Variants in FSD1 observed in about 807,000 individuals in gnomAD.
FSD1 encodes the protein fibronectin type III and SPRY domain containing 1, also known as fibronectin type III and SPRY domain-containing protein 1.
In FSD1, 23 loss-of-function variants were observed where a neutral mutation model predicts 58.2. The ratio of observed to expected loss-of-function variants is 0.40; its 90% CI spans 0.28 to 0.56. The LOEUF (loss-of-function observed/expected upper bound fraction) is 0.56, where lower values mean the gene tolerates loss of function less well. Ranked by LOEUF, FSD1 falls within the 20% of genes least tolerant of loss-of-function variation. The pLI is 0.54. For synonymous variants in FSD1, 265 were observed against 263.4 expected, an observed-to-expected ratio of 1.01 and a Z score of -0.06; for missense variants, 563 against 670.8, an observed-to-expected ratio of 0.84 and a Z score of 1.78.
At chr19:4,306,412 C>A (rs989391014) in intron 3 of FSD1, 83 bp downstream of exon 3, 8 of 1,450,936 alleles carry the variant, frequency 5.5e-6, no homozygotes, top group Non-Finnish European at 7.7e-6. Context: ...CCTCCAAAAA[C>A]TGGGTGCTCT....
chr19:4,308,041 C>A, intron 4 of FSD1, 58 bp downstream of exon 4: 1 of 1,356,062 alleles, frequency 7.4e-7, no homozygotes, highest in Non-Finnish European at 1.0e-6. Flanking sequence ...GTTTGCATTT[C>A]AGGTGAACAA....
intron 10 of FSD1, 148 bp from the exon 11 acceptor site, chr19:4,322,837 TG>T (rs369140830): frequency 9.4e-6 from 9 of 954,638 alleles, no homozygotes; most frequent in African/African-American, 4.9e-5. Flanking sequence ...GAGGAGTATC[TG>T]GGGGGTACAG....
At position 4,323,200 on chromosome 19, in the gene FSD1, G is replaced by C; in HGVS notation, c.1254G>C (p.Val418=). 6.2e-7 allele frequency: 1 copy of C among 1,604,906 alleles called. No individual in the cohort carries two copies. Among genetic ancestry groups the C allele is most frequent in the Non-Finnish European group, 8.5e-7 (1 of 1,179,808 alleles). Reference sequence around the variant, plus strand: ...AGGTCAAGGTGCTGGACGCCCCCGTGCCCGACTGCCTGGGTGTGCACTGTG... The same window carrying C: ...AGGTCAAGGTGCTGGACGCCCCCGTCCCCGACTGCCTGGGTGTGCACTGTG... ...ANKVKVLDAP[V]PDCLGVHCDF... is the part of the protein sequence containing the mutation. The change falls in exon 11 of 13, where the codon GTG becomes GTC. Residue 418 remains valine (V), a synonymous_variant. Transcript: ENST00000221856. The surrounding 1 kb of genome is among the most constrained non-coding windows in gnomAD (Gnocchi z 7.7).
At position 4,323,528 on chromosome 19, in the gene FSD1, C is replaced by G; in HGVS notation, c.1381-5C>G. Reference sequence around the variant, plus strand: ...CCCCTCCCCCCTCCCCCCGCTGTCCCTCAGGTATGGTGTGGCAGCTTCCAG... The same window carrying G: ...CCCCTCCCCCCTCCCCCCGCTGTCCGTCAGGTATGGTGTGGCAGCTTCCAG... On this transcript the variant is annotated splice_polypyrimidine_tract_variant and splice_region_variant and intron_variant, in intron 12 of 12. Coordinates refer to ENST00000221856, the MANE Select transcript of FSD1 (RefSeq NM_024333.3). The surrounding 1 kb of genome is among the most constrained non-coding windows in gnomAD (Gnocchi z 7.7). 6.3e-7 allele frequency: 1 copy of G among 1,576,372 alleles called. No individual in the cohort carries two copies. Among genetic ancestry groups the G allele is most frequent in the Non-Finnish European group, 8.7e-7 (1 of 1,146,520 alleles).
intron 8 of FSD1, among the ~76,000 whole-genome samples, chr19:4,317,940 C>T (rs540849175): frequency 2.7e-4 from 41 of 152,268 alleles, no homozygotes; most frequent in African/African-American, 9.4e-4. Context: ...TCGCTTGAAC[C>T]CAGGAGGCGG....
At chr19:4,308,668 A>C (rs996237041) in intron 4 of FSD1, among the ~76,000 whole-genome samples, 17 of 152,220 alleles carry the variant, frequency 1.1e-4, no homozygotes, top group African/African-American at 4.1e-4. Flanking sequence ...CCATCCTAAC[A>C]CAGTGAAACC....
At chr19:4,310,707 G>A (rs961449714) in intron 6 of FSD1, 111 bp downstream of exon 6, 34 of 1,272,034 alleles carry the variant, frequency 2.7e-5, no homozygotes, top group Admixed American at 4.3e-5. Flanking sequence ...TCTGAATTCC[G>A]CCTGGGGGAG....
At chr19:4,315,116 T>A (rs1429688763) in intron 7 of FSD1, among the ~76,000 whole-genome samples, 1 of 151,758 alleles carries the variant, frequency 6.6e-6, no homozygotes, top group Admixed American at 6.6e-5. Flanking sequence ...TTCTTCTTTC[T>A]TTCCCTTTTT....
chr19:4,317,814 C>A (rs942568144), intron 8 of FSD1, among the ~76,000 whole-genome samples: 1 of 152,126 alleles, frequency 6.6e-6, no homozygotes, highest in African/African-American at 2.4e-5. Context: ...GTCAGGAGTT[C>A]GAAACCAGCC....
chr19:4,309,344 G>T (rs1314317814), intron 4 of FSD1, among the ~76,000 whole-genome samples: 1 of 152,182 alleles, frequency 6.6e-6, no homozygotes, highest in African/African-American at 2.4e-5. Flanking sequence ...ACTAAGAACT[G>T]CATTTGTGTG....
intron 7 of FSD1, among the ~76,000 whole-genome samples, chr19:4,315,301 ATTT>A (rs1219053251): frequency 5.0e-5 from 4 of 79,568 alleles, no homozygotes; most frequent in Admixed American, 1.6e-4. Context: ...CGCCTGGTTA[ATTT>A]TTTTTTTTTT....
At chr19:4,309,567 G>A (rs1016601389) in intron 4 of FSD1, among the ~76,000 whole-genome samples, 1 of 152,164 alleles carries the variant, frequency 6.6e-6, no homozygotes, top group Non-Finnish European at 1.5e-5. Context: ...TACCTTCCTC[G>A]AGAGGCCTCA....
intron 10 of FSD1, among the ~76,000 whole-genome samples, chr19:4,321,333 A>G (rs1971815448): frequency 1.9e-5 from 2 of 103,704 alleles, no homozygotes; most frequent in African/African-American, 4.1e-5. Context: ...GGGACTGAGG[A>G]GTATCTGGAG....
chr19:4,323,607 C>T lies in FSD1; in HGVS notation c.1455C>T (p.Gly485=). Residue 485 remains glycine, a synonymous_variant, in exon 13 of 13, where the codon GGC becomes GGT. Coordinates refer to ENST00000221856, the MANE Select transcript of FSD1 (RefSeq NM_024333.3). The surrounding 1 kb of genome is among the most constrained non-coding windows in gnomAD (Gnocchi z 7.7). ...PSAVRCLQKR[G]SATSSSNTSL... ...CTGTGCGCTGCCTGCAAAAGCGAGGCAGTGCTACCAGCAGCTCCAACACCA... is the reference window on the plus strand; with the variant it reads ...CTGTGCGCTGCCTGCAAAAGCGAGGTAGTGCTACCAGCAGCTCCAACACCA... 1.2e-6 allele frequency: 2 copies of T among 1,613,146 alleles called. No individual in the cohort carries two copies. Among genetic ancestry groups the T allele is most frequent in the Non-Finnish European group, 1.7e-6 (2 of 1,179,626 alleles).
chr19:4,305,805 T>C (rs952738391), intron 1 of FSD1, 141 bp from the exon 2 acceptor site: 11 of 681,442 alleles, frequency 1.6e-5, no homozygotes, highest in African/African-American at 5.2e-5. Context: ...CGCATGTGTG[T>C]GCATGTGTGT....
chr19:4,311,344 A>C (rs1240987799), intron 6 of FSD1: 2 of 160,214 alleles, frequency 1.2e-5, no homozygotes, highest in African/African-American at 2.4e-5. Context: ...AAATGATGGA[A>C]TCCCAAGAAA....
At chr19:4,314,348 T>G (rs1971729363) in intron 7 of FSD1, among the ~76,000 whole-genome samples, 1 of 152,154 alleles carries the variant, frequency 6.6e-6, no homozygotes, top group Non-Finnish European at 1.5e-5. Flanking sequence ...GGTTTTGTTT[T>G]CTTGTAACTT....
intron 7 of FSD1, among the ~76,000 whole-genome samples, chr19:4,313,412 A>G (rs113617391): frequency 0.12 from 17,282 of 143,874 alleles, 1,229 homozygotes; most frequent in South Asian, 0.22. Context: ...TGGTGGAGGT[A>G]GGGTCTGAAG....
chr19:4,312,728 T>C (rs750258288), intron 7 of FSD1, among the ~76,000 whole-genome samples: 1 of 149,730 alleles, frequency 6.7e-6, no homozygotes, highest in Middle Eastern at 3.6e-3. Context: ...TGGCGTGAAC[T>C]CGGGAGGCGG....
Sources: gnomAD v4.1 joint callset for allele counts (sites outside exome capture counted in the v4.1 genomes callset) on GRCh38, gnomAD v4.1.1 for gene constraint, Gnocchi (gnomAD v3.1) non-coding constraint, MANE v1.5 for transcripts, NCBI Gene and HGNC (gene_info 2026-07-23, HGNC 2026-07-21) for gene names.